Variants in KCNAB1 observed in about 807,000 individuals in gnomAD.
KCNAB1 encodes potassium voltage-gated channel subfamily A regulatory beta subunit 1, also known as voltage-gated potassium channel subunit beta-1.
In KCNAB1, 35 loss-of-function variants were observed where a neutral mutation model predicts 64.6. That is an observed-to-expected ratio of 0.54 (90% confidence interval 0.41 to 0.72). KCNAB1 has a LOEUF of 0.72. Ranked by LOEUF, KCNAB1 falls within the 30% of genes least tolerant of loss-of-function variation. The pLI, the probability that KCNAB1 is intolerant of heterozygous loss-of-function variation, is 0.00. For missense variants in KCNAB1, 401 were observed against 512.9 expected (o/e 0.78, Z 2.11); for synonymous variants, 177 against 183.8 (o/e 0.96, Z 0.30).
intron 2 of KCNAB1, among the ~76,000 whole-genome samples, chr3:156,445,843 T>C (rs1158716920): frequency 6.6e-6 from 1 of 152,080 alleles, no homozygotes; most frequent in African/African-American, 2.4e-5. Flanking sequence ...GAAGAGTAAA[T>C]GGAATGACTT....
chr3:156,453,662 T>A (rs952121975), intron 3 of KCNAB1, among the ~76,000 whole-genome samples: 1 of 152,168 alleles, frequency 6.6e-6, no homozygotes, highest in Non-Finnish European at 1.5e-5. Flanking sequence ...CTTCATGGCA[T>A]AAGTGAGGTA....
chr3:156,470,061 GC>G (rs1360872018), intron 7 of KCNAB1, among the ~76,000 whole-genome samples: 1 of 152,198 alleles, frequency 6.6e-6, no homozygotes, highest in Admixed American at 6.5e-5. Flanking sequence ...GGTGACCTTA[GC>G]CACCTGAGTT....
intron 1 of KCNAB1, among the ~76,000 whole-genome samples, chr3:156,287,085 C>T (rs903841281): frequency 1.3e-5 from 2 of 152,084 alleles, no homozygotes; most frequent in African/African-American, 4.8e-5. Flanking sequence ...GGGATTCACA[C>T]CCAACTCCAA....
chr3:156,147,459 G>T (rs766682235), intron 1 of KCNAB1, among the ~76,000 whole-genome samples: 52 of 152,234 alleles, frequency 3.4e-4, no homozygotes, highest in Non-Finnish European at 6.9e-4. Flanking sequence ...GGAAAAAAGT[G>T]ACATTGTTTA....
chr3:156,429,724 T>C (rs1302382233), intron 2 of KCNAB1, among the ~76,000 whole-genome samples: 1 of 152,156 alleles, frequency 6.6e-6, no homozygotes, highest in Non-Finnish European at 1.5e-5. Flanking sequence ...ACTAGCTAGC[T>C]CACCTATTAT....
chr3:156,377,454 A>T (rs141227668), intron 1 of KCNAB1, among the ~76,000 whole-genome samples: 1 of 152,090 alleles, frequency 6.6e-6, no homozygotes, highest in African/African-American at 2.4e-5. Context: ...GAGAAAACAG[A>T]CCAATGGTTG....
chr3:156,249,027 TG>T (rs11352440), intron 1 of KCNAB1, among the ~76,000 whole-genome samples: 84,655 of 149,336 alleles, frequency 0.57, 24,550 homozygotes, highest in East Asian at 0.73. Flanking sequence ...AATCTGGTTG[TG>T]TTTTTTTTTT....
intron 13 of KCNAB1, chr3:156,536,433 T>C (rs1435636591): frequency 4.2e-6 from 2 of 474,704 alleles, no homozygotes; most frequent in Non-Finnish European, 7.5e-6. Context: ...TGTATTTCTA[T>C]GAGCCTTCAC....
At chr3:156,423,622 A>C (rs1030191959) in intron 2 of KCNAB1, among the ~76,000 whole-genome samples, 1 of 152,196 alleles carries the variant, frequency 6.6e-6, no homozygotes, top group African/African-American at 2.4e-5. Context: ...AGTATGATTA[A>C]ATTTGAAGTG....
At chr3:156,425,709 C>T (rs1425699493) in intron 2 of KCNAB1, among the ~76,000 whole-genome samples, 3 of 152,154 alleles carry the variant, frequency 2.0e-5, no homozygotes, top group East Asian at 1.9e-4. Flanking sequence ...ACAGAAGATA[C>T]GAGGACAAGA....
chr3:156,156,716 C>A (rs1228207042), intron 1 of KCNAB1, among the ~76,000 whole-genome samples: 2 of 152,142 alleles, frequency 1.3e-5, no homozygotes, highest in African/African-American at 4.8e-5. Flanking sequence ...AGAGTAGGAA[C>A]TTACTTTTTA....
At chr3:156,336,379 CA>C (rs1341021598) in intron 1 of KCNAB1, among the ~76,000 whole-genome samples, 1 of 146,334 alleles carries the variant, frequency 6.8e-6, no homozygotes, top group Non-Finnish European at 1.5e-5. Flanking sequence ...AACAAACAAA[CA>C]AAAAAAGAGT....
intron 8 of KCNAB1, among the ~76,000 whole-genome samples, chr3:156,486,185 C>T (rs1019662621): frequency 5.3e-5 from 8 of 152,210 alleles, no homozygotes; most frequent in Non-Finnish European, 1.2e-4. Flanking sequence ...TGCCTGTGTC[C>T]GCTTTTATAA....
intron 1 of KCNAB1, among the ~76,000 whole-genome samples, chr3:156,233,206 T>C (rs1223355768): frequency 1.3e-5 from 2 of 152,170 alleles, no homozygotes; most frequent in African/African-American, 4.8e-5. Flanking sequence ...ATAATAATCA[T>C]TGTCATTATA....
At chr3:156,207,389 A>T (rs1158306579) in intron 1 of KCNAB1, among the ~76,000 whole-genome samples, 2 of 151,936 alleles carry the variant, frequency 1.3e-5, no homozygotes, top group Non-Finnish European at 2.9e-5. Context: ...ACTCTTTATG[A>T]CTCTGTCTAC....
intron 1 of KCNAB1, among the ~76,000 whole-genome samples, chr3:156,190,946 G>A (rs1053722555): frequency 6.6e-6 from 1 of 152,178 alleles, no homozygotes; most frequent in Non-Finnish European, 1.5e-5. Flanking sequence ...ACCCACCTCA[G>A]CCTCCCAAAG....
intron 3 of KCNAB1, chr3:156,457,107 C>T: frequency 3.1e-6 from 2 of 652,690 alleles, no homozygotes; most frequent in Non-Finnish European, 4.0e-6. Flanking sequence ...AATGGAGTCA[C>T]ACAGTGATAC....
At chr3:156,369,306 A>G (rs1373441900) in intron 1 of KCNAB1, among the ~76,000 whole-genome samples, 1 of 152,214 alleles carries the variant, frequency 6.6e-6, no homozygotes, top group East Asian at 1.9e-4. Context: ...ATGATATTCC[A>G]TTGTACGAAT....
intron 1 of KCNAB1, among the ~76,000 whole-genome samples, chr3:156,317,519 C>T (rs75356944): frequency 0.031 from 4,719 of 150,242 alleles, 250 homozygotes; most frequent in African/African-American, 0.11. Context: ...TCCATTAATA[C>T]GTGTGGTAAT....
Sources: allele counts gnomAD v4.1 joint callset (sites outside exome capture counted in the v4.1 genomes callset), GRCh38; gene constraint gnomAD v4.1.1; transcripts MANE v1.5; gene names NCBI Gene and HGNC (gene_info 2026-07-23, HGNC 2026-07-21).